BEND7: variants seen among roughly 807,000 people sequenced by gnomAD.
The protein encoded by BEND7 is BEN domain containing 7.
A neutral mutation model predicts 50.9 loss-of-function variants in BEND7; 28 were observed. That is an observed-to-expected ratio of 0.55 (90% CI 0.41 to 0.75). The LOEUF is 0.75. Ranked by LOEUF, BEND7 falls within the 30% of genes least tolerant of loss-of-function variation. BEND7 has a pLI of 0.00. For missense variants in BEND7, 477 were observed against 491.3 expected, an observed-to-expected ratio of 0.97 and a Z score of 0.28; for synonymous variants, 170 against 183.9, an observed-to-expected ratio of 0.92 and a Z score of 0.61.
intron 6 of BEND7, among the ~76,000 whole-genome samples, chr10:13,456,521 G>C (rs1403501045): frequency 6.6e-6 from 1 of 152,150 alleles, no homozygotes; most frequent in Admixed American, 6.5e-5. Flanking sequence ...CTGGGGAGAG[G>C]GGCAGTGATG....
intron 5 of BEND7, among the ~76,000 whole-genome samples, 173 bp from the exon 6 acceptor site, chr10:13,481,297 G>C (rs2075837608): frequency 6.6e-6 from 1 of 152,134 alleles, no homozygotes; most frequent in South Asian, 2.1e-4. Context: ...CCAAGGACTA[G>C]TTATAACTTA....
At chr10:13,474,579 G>A (rs895397739) in intron 6 of BEND7, among the ~76,000 whole-genome samples, 21 of 150,988 alleles carry the variant, frequency 1.4e-4, no homozygotes, top group African/African-American at 4.6e-4. Context: ...TGTTGGACTC[G>A]GGTCGATACC....
At chr10:13,479,973 C>T (rs932857627) in intron 6 of BEND7, among the ~76,000 whole-genome samples, 1 of 152,170 alleles carries the variant, frequency 6.6e-6, no homozygotes, top group Non-Finnish European at 1.5e-5. Flanking sequence ...CAGAGAAGGC[C>T]CTCTGCGTCA....
chr10:13,500,512 T>A (rs2132216992), intron 2 of BEND7: 1 of 991,898 alleles, frequency 1.0e-6, no homozygotes, highest in East Asian at 1.1e-4. Flanking sequence ...CTGCTCACTG[T>A]CTGTCAGCTT....
intron 6 of BEND7, among the ~76,000 whole-genome samples, chr10:13,466,274 T>G (rs1168635765): frequency 6.6e-6 from 1 of 152,114 alleles, no homozygotes; most frequent in Non-Finnish European, 1.5e-5. Flanking sequence ...AATTATGGAT[T>G]TAATAGGCCG....
chr10:13,500,383 G>C, intron 2 of BEND7: 1 of 516,630 alleles, frequency 1.9e-6, no homozygotes, highest in South Asian at 4.3e-5. Context: ...TTTTCTGAAT[G>C]AGTAGGTGAT....
intron 7 of BEND7, among the ~76,000 whole-genome samples, chr10:13,451,786 T>A (rs1308159458): frequency 9.0e-6 from 1 of 110,658 alleles, no homozygotes; most frequent in Non-Finnish European, 1.7e-5. Context: ...CAGGCCCCGG[T>A]GTGTGATGTT....
At chr10:13,463,664 A>G (rs1223815915) in intron 6 of BEND7, among the ~76,000 whole-genome samples, 1 of 152,250 alleles carries the variant, frequency 6.6e-6, no homozygotes, top group African/African-American at 2.4e-5. Flanking sequence ...ATATAATTAT[A>G]TCATCTGAGT....
chr10:13,442,035 G>T, intron 8 of BEND7: 1 of 452,890 alleles, frequency 2.2e-6, no homozygotes, highest in South Asian at 3.4e-5. Context: ...ATCCCAGAGG[G>T]CCTCTCCTAT....
intron 2 of BEND7, chr10:13,502,734 G>A (rs551098951): frequency 5.9e-5 from 10 of 168,998 alleles, no homozygotes; most frequent in East Asian, 1.9e-4. Context: ...CCATCAGGCC[G>A]GGTATGCCTG....
At chr10:13,449,842 A>G (rs1313882021) in intron 7 of BEND7, among the ~76,000 whole-genome samples, 2 of 152,370 alleles carry the variant, frequency 1.3e-5, no homozygotes, top group Non-Finnish European at 2.9e-5. Flanking sequence ...ATAGGGGCTG[A>G]GAGTCAAGGA....
chr10:13,493,016 ACTGGACCT>A, intron 4 of BEND7, 140 bp from the exon 5 acceptor site: 1 of 1,037,702 alleles, frequency 9.6e-7, no homozygotes, highest in Non-Finnish European at 1.4e-6. Flanking sequence ...TAAATCTCCA[ACTGGACCT>A]AAAGGTTACC....
At position 13,473,764 on chromosome 10, in the gene BEND7, C is replaced by T. The variant is rs549854308; in HGVS notation, c.1063+7135G>A. 7.2e-5 allele frequency among the ~76,000 whole-genome samples: 11 copies of T among 151,794 alleles called. No homozygotes were observed. The South Asian group carries it at 1.9e-3, about 26-fold the overall frequency. ...TAGACTCGGGGTTGATACCCATCAT[C>T]GCTCTTAGACTTGGGGGTGATACTC... is the stretch of plus-strand genomic sequence containing the variant. On this transcript the variant is annotated intron_variant, in intron 6 of 8. Transcript: ENST00000466271.
intron 2 of BEND7, among the ~76,000 whole-genome samples, chr10:13,509,104 T>C (rs1483853395): frequency 6.6e-6 from 1 of 152,120 alleles, no homozygotes; most frequent in African/African-American, 2.4e-5. Context: ...CTGTGCAAAA[T>C]GAGCTATCAC....
chr10:13,484,521 T>A (rs11258411), intron 5 of BEND7, among the ~76,000 whole-genome samples: 4,926 of 152,276 alleles, frequency 0.032, 211 homozygotes, highest in African/African-American at 0.1. Flanking sequence ...TTAAATGAGA[T>A]CTCTCTGCTT....
chr10:13,497,403 T>C (rs1020863939), intron 3 of BEND7, among the ~76,000 whole-genome samples: 2 of 152,236 alleles, frequency 1.3e-5, no homozygotes, highest in Admixed American at 6.5e-5. Context: ...TGAAAACTTT[T>C]AGAATACTCT....
At chr10:13,485,937 A>G (rs2076193493) in intron 5 of BEND7, among the ~76,000 whole-genome samples, 1 of 152,170 alleles carries the variant, frequency 6.6e-6, no homozygotes, top group Non-Finnish European at 1.5e-5. Flanking sequence ...ACTGGGGTAC[A>G]GTGGTGGGAT....
downstream of BEND7, chr10:13,439,075 T>C: frequency 8.2e-7 from 1 of 1,215,400 alleles, no homozygotes. Flanking sequence ...GAACATGTTT[T>C]CACCAGGGCC....
intron 8 of BEND7, chr10:13,446,589 C>G (rs1380030046): frequency 1.3e-5 from 2 of 152,364 alleles, no homozygotes; most frequent in African/African-American, 4.8e-5. Context: ...GCTCATTGAT[C>G]AGACACCTGC....
Sources: gnomAD v4.1 joint callset for allele counts (sites outside exome capture counted in the v4.1 genomes callset) on GRCh38, gnomAD v4.1.1 for gene constraint, MANE v1.5 for transcripts, NCBI Gene and HGNC (gene_info 2026-07-23, HGNC 2026-07-21) for gene names.